Variants in ZMYM6 observed in about 807,000 individuals in gnomAD.
The protein encoded by ZMYM6 is zinc finger MYM-type containing 6.
Under a neutral mutation model 134.0 loss-of-function variants are expected in ZMYM6, and 90 were observed. That is an observed-to-expected ratio of 0.67 (90% CI 0.57 to 0.80). The LOEUF (loss-of-function observed/expected upper bound fraction) is 0.80. Ranked by LOEUF, ZMYM6 falls within the 30% of genes least tolerant of loss-of-function variation. The pLI is 0.00. For missense variants in ZMYM6, 1,362 were observed against 1,533.9 expected (o/e 0.89, Z 1.87); for synonymous variants, 481 against 524.1 (o/e 0.92, Z 1.12).
intron 10 of ZMYM6, 144 bp downstream of exon 10, chr1:35,010,303 G>T (rs754766540): frequency 1.9e-6 from 2 of 1,072,998 alleles, no homozygotes; most frequent in East Asian, 2.5e-5. Flanking sequence ...TTACAGGCGT[G>T]AGCCTCCATG....
intron 14 of ZMYM6, among the ~76,000 whole-genome samples, chr1:34,995,213 C>T (rs1458908664): frequency 6.8e-6 from 1 of 146,344 alleles, no homozygotes; most frequent in Non-Finnish European, 1.5e-5. Flanking sequence ...GTGCTAAGTG[C>T]TCTCTCTCTA....
At chr1:34,993,258 T>A (rs1640718067) in intron 14 of ZMYM6, among the ~76,000 whole-genome samples, 1 of 151,628 alleles carries the variant, frequency 6.6e-6, no homozygotes, top group African/African-American at 2.4e-5. Flanking sequence ...ACCACAGGCG[T>A]GCGCCACCAC....
At chr1:35,007,205 G>A (rs1010011338) in intron 11 of ZMYM6, 107 bp from the exon 12 acceptor site, 51 of 1,108,318 alleles carry the variant, frequency 4.6e-5, no homozygotes, top group Non-Finnish European at 5.6e-5. Context: ...TGAGTCAGTT[G>A]AGACTACAAA....
chr1:34,987,299 CTT>C lies in ZMYM6; in HGVS notation c.3781_3782del (p.Lys1261AspfsTer8). 6.2e-7 allele frequency: 1 copy of C among 1,612,046 alleles called. No homozygotes were observed. Among genetic ancestry groups the C allele is most frequent in the Non-Finnish European group, 8.5e-7 (1 of 1,179,016 alleles). The stretch of plus-strand genomic sequence containing the variant: ...TTTCATGGAGTTCTGGGTAACTTGT[CTT>C]TGCATTTATCCAAAACTGAGTTACA... ...VSVTQFWINA[K>X]TSYPELHERA... On this transcript the variant is annotated frameshift_variant, in exon 16 of 16. Coordinates refer to ENST00000357182, the MANE Select transcript of ZMYM6 (RefSeq NM_007167.4). LOFTEE classifies it high-confidence loss of function.
intron 4 of ZMYM6, among the ~76,000 whole-genome samples, chr1:35,016,798 C>T (rs1294437424): frequency 6.6e-6 from 1 of 152,058 alleles, no homozygotes; most frequent in Non-Finnish European, 1.5e-5. Flanking sequence ...GATCATGCCA[C>T]TGCACTCCAG....
chr1:35,003,759 C>A, intron 14 of ZMYM6: 1 of 508,538 alleles, frequency 2.0e-6, no homozygotes, highest in Non-Finnish European at 3.6e-6. Context: ...TCCACATTTA[C>A]ATCATCTTCA....
chr1:34,998,001 C>T lies in ZMYM6; in HGVS notation c.1993-5614G>A, dbSNP rs1640812676. 3.9e-5 allele frequency among the ~76,000 whole-genome samples: 6 copies of T among 152,160 alleles called. No homozygotes were observed. In the South Asian group the frequency reaches 1.2e-3, roughly 31 times the overall value. On this transcript the variant is annotated intron_variant, in intron 14 of 15. Transcript: ENST00000357182. ...CCCACATTTTAAATATATGTTTGGGCCAGGTGCTGTGGCTCATGCCTGTAA... is the reference window on the plus strand; with the variant it reads ...CCCACATTTTAAATATATGTTTGGGTCAGGTGCTGTGGCTCATGCCTGTAA...
At chr1:35,011,391 T>C (rs942567626) in intron 8 of ZMYM6, among the ~76,000 whole-genome samples, 5 of 152,138 alleles carry the variant, frequency 3.3e-5, no homozygotes, top group African/African-American at 1.2e-4. Context: ...TCTTTCTCCC[T>C]AATGCCAGGG....
Position 35,015,093 on chromosome 1 carries a change from G to A in ZMYM6, c.498C>T (p.Cys166=), listed in dbSNP as rs1254545473. ...FENSYPSKDF[C]SQSCLSSYEL... is the part of the protein sequence containing the mutation. ...CATAAGATGACAAGCATGATTGGCT[G>A]CAGAAATCTTTGCTAGGATAGGAAT... is the stretch of plus-strand genomic sequence containing the variant. Residue 166 remains cysteine (C), a synonymous_variant, in exon 5 of 16, where the codon TGC becomes TGT. Transcript: ENST00000357182. 6.2e-7 allele frequency: 1 copy of A among 1,613,788 alleles called. No individual in the cohort carries two copies. Among genetic ancestry groups the A allele is most frequent in the Non-Finnish European group, 8.5e-7 (1 of 1,179,944 alleles).
Position 35,008,734 on chromosome 1 carries a change from G to C in ZMYM6, c.1665+18C>G. On this transcript the variant is annotated intron_variant, in intron 11 of 15. Coordinates refer to ENST00000357182, the MANE Select transcript of ZMYM6 (RefSeq NM_007167.4). ...CACTGATTTCAGAAAGCCAAAAAAAGTATATTATCACATTTACCTGATAAA... is the reference window on the plus strand; with the variant it reads ...CACTGATTTCAGAAAGCCAAAAAAACTATATTATCACATTTACCTGATAAA... 6.3e-7 allele frequency: 1 copy of C among 1,597,370 alleles called. No individual in the cohort carries two copies. Among genetic ancestry groups the C allele is most frequent in the Non-Finnish European group, 8.5e-7 (1 of 1,173,632 alleles).
At position 34,994,296 on chromosome 1, in the gene ZMYM6, G is replaced by C. The variant is rs79874918; in HGVS notation, c.1993-1909C>G. 6.4e-3 allele frequency among the ~76,000 whole-genome samples: 979 copies of C among 152,242 alleles called. 24 individuals are homozygous for C. The East Asian group carries it at 0.099, about 15-fold the overall frequency. The stretch of plus-strand genomic sequence containing the variant: ...AGTGCGATGAAGAAAATAAAGCAGC[G>C]TACAGGAATGGAGAGTGATGGCATG... On this transcript the variant is annotated intron_variant, in intron 14 of 15. Transcript: ENST00000357182.
chr1:34,996,592 G>GTA (rs1276909864), intron 14 of ZMYM6, among the ~76,000 whole-genome samples: 1 of 152,176 alleles, frequency 6.6e-6, no homozygotes, highest in African/African-American at 2.4e-5. Flanking sequence ...GTGTGTGTGT[G>GTA]TAGCACAAAT....
chr1:34,987,101 T>C lies in ZMYM6; in HGVS notation c.*3A>G, dbSNP rs200114922. On this transcript the variant is annotated 3_prime_UTR_variant, in exon 16 of 16. Coordinates refer to ENST00000357182, the MANE Select transcript of ZMYM6 (RefSeq NM_007167.4). ...ACTTCACTGTTAAGCAATGTGCATATTGCTACTCTTTCTCCTTCACTAATT... is the reference window on the plus strand; with the variant it reads ...ACTTCACTGTTAAGCAATGTGCATACTGCTACTCTTTCTCCTTCACTAATT... The C allele has an allele frequency of 3.0e-3, 4,689 of 1,543,778 alleles. 11 individuals carry two copies. The highest frequency in any genetic ancestry group is 3.8e-3 in the Non-Finnish European group (4,382 of 1,147,370).
intron 4 of ZMYM6, among the ~76,000 whole-genome samples, chr1:35,015,483 T>A (rs1641165087): frequency 1.3e-5 from 2 of 151,894 alleles, no homozygotes; most frequent in Admixed American, 1.3e-4. Flanking sequence ...CCCATCACTT[T>A]GGGAGGCCGA....
chr1:35,007,125 G>T (rs573500134), intron 11 of ZMYM6, 27 bp from the exon 12 acceptor site: 1 of 1,563,536 alleles, frequency 6.4e-7, no homozygotes, highest in Non-Finnish European at 8.6e-7. Flanking sequence ...AGACAAGATA[G>T]GCTTAAAACT....
At chr1:35,005,778 T>G (rs1640956008) in intron 12 of ZMYM6, among the ~76,000 whole-genome samples, 2 of 152,200 alleles carry the variant, frequency 1.3e-5, no homozygotes, top group African/African-American at 4.8e-5. Context: ...GAGGGAGCTG[T>G]CCAACCCCAT....
At position 34,988,946 on chromosome 1, in the gene ZMYM6, T is replaced by C. The variant is rs1246642476; in HGVS notation, c.2147-11A>G. The C allele has an allele frequency of 4.4e-6, 7 of 1,599,814 alleles. No individual in the cohort carries two copies. The African/African-American group carries it at 5.4e-5, about 12-fold the overall frequency. The stretch of plus-strand genomic sequence containing the variant: ...TAGGCATAGGTAAATCTGAATGAAA[T>C]ATTTGAATCACTGTTATTTTCAAGA... On this transcript the variant is annotated splice_polypyrimidine_tract_variant and intron_variant, in intron 15 of 15. Coordinates refer to ENST00000357182, the MANE Select transcript of ZMYM6 (RefSeq NM_007167.4).
At chr1:35,029,979 C>T (rs1380006704) in intron 2 of ZMYM6, among the ~76,000 whole-genome samples, 1 of 152,142 alleles carries the variant, frequency 6.6e-6, no homozygotes, top group Non-Finnish European at 1.5e-5. Context: ...TCCTGGATCC[C>T]CAGAGACTAG....
chr1:34,992,772 A>G (rs970630529), intron 14 of ZMYM6, among the ~76,000 whole-genome samples: 1 of 143,750 alleles, frequency 7.0e-6, no homozygotes, highest in South Asian at 2.1e-4. Context: ...ATAAACTATA[A>G]ATATAAAAAT....
Sources: gnomAD v4.1 joint callset for allele counts (sites outside exome capture counted in the v4.1 genomes callset) on GRCh38, gnomAD v4.1.1 for gene constraint, MANE v1.5 for transcripts, NCBI Gene and HGNC (gene_info 2026-07-23, HGNC 2026-07-21) for gene names.